Variants in PFDN1 observed in about 807,000 individuals in gnomAD.
The protein encoded by PFDN1 is prefoldin 1.
In PFDN1, 6 loss-of-function variants were observed where a neutral mutation model predicts 17.3. The observed-to-expected ratio is 0.35, with a 90% CI of 0.19 to 0.69. The LOEUF is 0.69. Among genes scored for constraint, PFDN1 ranks in the 30% least tolerant of loss-of-function variants. The probability of loss-of-function intolerance (pLI) is 0.65; values close to 1 mark genes in which losing one functional copy is unlikely to be tolerated. For missense variants in PFDN1, 113 were observed against 146.2 expected (o/e 0.77, Z 1.17); for synonymous variants, 58 against 50.1 (o/e 1.16, Z -0.67).
chr5:140,265,675 G>A (rs1229290644), intron 3 of PFDN1: 1 of 152,146 alleles, frequency 6.6e-6, no homozygotes, highest in African/African-American at 2.4e-5. Flanking sequence ...CTATGAATAA[G>A]CAGTAGCACA....
chr5:140,260,055 C>T lies in PFDN1; in HGVS notation c.286-13998G>A, dbSNP rs145944345. ...AACTAGGATGGCTATAATCAAAAAC[C>T]GGCCAGATGCAGTGTTGCACACCTG... On this transcript the variant is annotated intron_variant, in intron 3 of 3. Transcript: ENST00000261813. 4.5e-4 allele frequency among the ~76,000 whole-genome samples: 69 copies of T among 152,068 alleles called. No homozygotes were observed. The South Asian group carries it at 6.7e-3, about 15-fold the overall frequency.
In PFDN1 at chr5:140,245,591, AC is replaced by A; in HGVS notation, c.*382del. On this transcript the variant is annotated 3_prime_UTR_variant, in exon 4 of 4. Transcript: ENST00000261813. The stretch of plus-strand genomic sequence containing the variant: ...GGTGGAGACGGCCACTGCCTCTCTC[AC>A]CCTCTGTTCCATCCCTCTGCTCAAG... 1.4e-6 allele frequency: 1 copy of A among 702,092 alleles called. No homozygotes were observed. Among genetic ancestry groups the A allele is most frequent in the Non-Finnish European group, 2.6e-6 (1 of 384,964 alleles). The allele number at this position is 702,092 out of a possible 1,614,324, so 43.5% of individuals were successfully genotyped here.
chr5:140,293,016 T>G (rs1440395880), intron 2 of PFDN1: 1 of 152,068 alleles, frequency 6.6e-6, no homozygotes. Flanking sequence ...ATTCCTAACT[T>G]TGCACTATGA....
chr5:140,270,929 A>C (rs1211664430), intron 3 of PFDN1, among the ~76,000 whole-genome samples: 2 of 152,166 alleles, frequency 1.3e-5, no homozygotes, highest in Admixed American at 6.5e-5. Flanking sequence ...CCGTCTCAAA[A>C]AAAAAGAACC....
At chr5:140,264,935 G>A (rs1335271308) in intron 3 of PFDN1, among the ~76,000 whole-genome samples, 1 of 152,148 alleles carries the variant, frequency 6.6e-6, no homozygotes, top group Non-Finnish European at 1.5e-5. Flanking sequence ...AACAGTAAAG[G>A]TATTAACATA....
intron 2 of PFDN1, among the ~76,000 whole-genome samples, chr5:140,286,366 C>T (rs1265077579): frequency 5.2e-5 from 7 of 135,256 alleles, no homozygotes; most frequent in South Asian, 4.6e-4. Context: ...GAGCCAAGAT[C>T]GTACCATTGC....
At chr5:140,278,131 C>A (rs948990474) in intron 3 of PFDN1, among the ~76,000 whole-genome samples, 7 of 151,706 alleles carry the variant, frequency 4.6e-5, no homozygotes, top group African/African-American at 1.7e-4. Context: ...TCGCTTGAAC[C>A]CAGAAGGCGG....
chr5:140,288,104 T>C (rs866452928), intron 2 of PFDN1, among the ~76,000 whole-genome samples: 1 of 152,244 alleles, frequency 6.6e-6, no homozygotes, highest in Non-Finnish European at 1.5e-5. Context: ...TCCATGCACA[T>C]GTGCAAATGT....
intron 3 of PFDN1, among the ~76,000 whole-genome samples, chr5:140,247,141 T>C (rs1282572318): frequency 6.6e-6 from 1 of 152,156 alleles, no homozygotes; most frequent in Non-Finnish European, 1.5e-5. Context: ...TAGTTGTTTG[T>C]ATGTTTTATT....
At chr5:140,255,564 AG>A (rs1214479157) in intron 3 of PFDN1, among the ~76,000 whole-genome samples, 1 of 152,200 alleles carries the variant, frequency 6.6e-6, no homozygotes, top group African/African-American at 2.4e-5. Context: ...ACTTGAGTCC[AG>A]GAGGTTGAGA....
At chr5:140,291,900 C>G in intron 2 of PFDN1, among the ~76,000 whole-genome samples, 1 of 152,158 alleles carries the variant, frequency 6.6e-6, no homozygotes, top group Non-Finnish European at 1.5e-5. Flanking sequence ...TGAGAACTCA[C>G]TGGAATTACT....
chr5:140,252,758 A>C (rs1764932608), intron 3 of PFDN1, among the ~76,000 whole-genome samples: 1 of 152,148 alleles, frequency 6.6e-6, no homozygotes. Context: ...CAAGACAAAA[A>C]CAGAAAAAAA....
intron 3 of PFDN1, among the ~76,000 whole-genome samples, chr5:140,257,163 CAGTGAG>C (rs1408384957): frequency 6.7e-6 from 1 of 150,184 alleles, no homozygotes; most frequent in Non-Finnish European, 1.5e-5. Context: ...GTGGAGGTTG[CAGTGAG>C]CCGAGATCAC....
chr5:140,250,125 T>TCTCAGGAGTTAGGATTTCAA (rs1351332417), intron 3 of PFDN1, among the ~76,000 whole-genome samples: 2 of 152,072 alleles, frequency 1.3e-5, no homozygotes, highest in Non-Finnish European at 2.9e-5. Context: ...AACACCATCA[T>TCTCAGGAGTTAGGATTTCAA]CTCAGGAGTT....
chr5:140,273,563 G>A lies in PFDN1; in HGVS notation c.285+7886C>T, dbSNP rs544602290. Among the ~76,000 whole-genome samples, 273 of 152,212 alleles carry A rather than the reference G, an allele frequency of 1.8e-3. 2 individuals carry two copies. Among genetic ancestry groups the A allele is most frequent in the African/African-American group, 6.1e-3 (252 of 41,528 alleles). On this transcript the variant is annotated intron_variant, in intron 3 of 3. Coordinates refer to ENST00000261813, the MANE Select transcript of PFDN1 (RefSeq NM_002622.5). ...CAGGCACCTCCTATCCTGTTCTCTC[G>A]CCGCCATTCTTCCTATTTATTTCAG...
chr5:140,301,206 A>G (rs1006888951), intron 1 of PFDN1, among the ~76,000 whole-genome samples: 2 of 152,204 alleles, frequency 1.3e-5, no homozygotes, highest in East Asian at 1.9e-4. Context: ...CCCTTAGTTC[A>G]GCAATCTTTC....
intron 3 of PFDN1, among the ~76,000 whole-genome samples, chr5:140,267,073 G>A (rs1391222870): frequency 6.6e-6 from 1 of 152,020 alleles, no homozygotes; most frequent in Non-Finnish European, 1.5e-5. Context: ...TGCGGTGCGG[G>A]TTACAGTTAC....
intron 3 of PFDN1, among the ~76,000 whole-genome samples, chr5:140,248,356 C>T (rs544207524): frequency 9.9e-5 from 15 of 152,226 alleles, no homozygotes; most frequent in Non-Finnish European, 1.8e-4. Context: ...GGTGAGCCAC[C>T]GTGCCAGGCC....
chr5:140,255,854 A>C (rs535310805), intron 3 of PFDN1, among the ~76,000 whole-genome samples: 1 of 152,130 alleles, frequency 6.6e-6, no homozygotes, highest in Admixed American at 6.5e-5. Flanking sequence ...TTTTCTGCAA[A>C]ACTTCTTGAA....
Sources: allele counts gnomAD v4.1 joint callset (sites outside exome capture counted in the v4.1 genomes callset), GRCh38; gene constraint gnomAD v4.1.1; transcripts MANE v1.5; gene names NCBI Gene and HGNC (gene_info 2026-07-23, HGNC 2026-07-21).